The following ERMARD variants were observed in gnomAD, a reference collection of about 807,000 sequenced individuals.
ERMARD encodes endoplasmic reticulum membrane-associated RNA degradation protein.
In ERMARD, 71 loss-of-function variants were observed where a neutral mutation model predicts 83.9. The ratio of observed to expected loss-of-function variants is 0.85; its 90% confidence interval spans 0.70 to 1.03. The LOEUF is 1.03. Ranked by LOEUF, ERMARD falls within the 50% of genes least tolerant of loss-of-function variation. ERMARD has a pLI of 0.00. For synonymous variants in ERMARD, 284 were observed against 298.6 expected (o/e 0.95, Z 0.50); for missense variants, 838 against 810.9 (o/e 1.03, Z -0.41).
chr6:169,773,592 G>A (rs989971483), intron 13 of ERMARD, among the ~76,000 whole-genome samples, 190 bp downstream of exon 13: 2 of 152,152 alleles, frequency 1.3e-5, no homozygotes, highest in African/African-American at 2.4e-5. Context: ...CTCAAGTTCC[G>A]TGTCTAGCAG....
At chr6:169,754,099 T>C in intron 2 of ERMARD, 67 bp downstream of exon 2, 1 of 1,455,088 alleles carries the variant, frequency 6.9e-7, no homozygotes. Flanking sequence ...ACCTGTAAAA[T>C]TCCCCTTTCT....
At chr6:169,755,510 C>CT in intron 3 of ERMARD, 88 bp downstream of exon 3, 2 of 1,520,300 alleles carry the variant, frequency 1.3e-6, no homozygotes, top group Non-Finnish European at 1.8e-6. Context: ...AAGGGGCCTC[C>CT]TTCATCCCCA....
chr6:169,768,194 G>C, intron 11 of ERMARD, 23 bp downstream of exon 11: 1 of 1,599,974 alleles, frequency 6.3e-7, no homozygotes, highest in Non-Finnish European at 8.6e-7. Context: ...TATTTTCCAG[G>C]CTAATATTCT....
rs1791326003 is a variant in ERMARD at position 169,759,973 on chromosome 6, TG to T, written c.742+1del. 1 of 1,614,196 alleles carries T rather than the reference TG, an allele frequency of 6.2e-7. No homozygotes were observed. The highest frequency in any genetic ancestry group is 8.5e-7 in the Non-Finnish European group (1 of 1,180,022). On this transcript the variant is annotated frameshift_variant and splice_region_variant, in exon 7 of 18. Coordinates refer to ENST00000366773, the MANE Select transcript of ERMARD (RefSeq NM_018341.3). LOFTEE classifies it high-confidence loss of function. ...ACCTCGAGGATTTGATTGTTTTTCCTGGTAAGTACTATGTTTCACATTTTTC... is the reference window on the plus strand; with the variant it reads ...ACCTCGAGGATTTGATTGTTTTTCCTGTAAGTACTATGTTTCACATTTTTC... ...TNLEDLIVFP[D>X]VTYEVLSVLE...
chr6:169,775,040 A>G (rs1205855058), intron 13 of ERMARD, among the ~76,000 whole-genome samples: 1 of 152,194 alleles, frequency 6.6e-6, no homozygotes, highest in East Asian at 1.9e-4. Flanking sequence ...ACCTGTGGAC[A>G]TGGTCATAGC....
At chr6:169,752,479 G>A (rs1158374367) in intron 1 of ERMARD, among the ~76,000 whole-genome samples, 2 of 152,200 alleles carry the variant, frequency 1.3e-5, no homozygotes, top group African/African-American at 2.4e-5. Context: ...TGGAGGATGC[G>A]AGTGACAATC....
intron 9 of ERMARD, among the ~76,000 whole-genome samples, chr6:169,765,966 T>C (rs1277762534): frequency 2.2e-5 from 2 of 91,226 alleles, no homozygotes; most frequent in Non-Finnish European, 4.5e-5. Flanking sequence ...CGTCACGCTG[T>C]CTGTCAAATC....
chr6:169,759,721 C>A, intron 6 of ERMARD, 117 bp from the exon 7 acceptor site: 3 of 1,003,042 alleles, frequency 3.0e-6, no homozygotes, highest in Non-Finnish European at 4.5e-6. Flanking sequence ...CGTGATCGGA[C>A]AGTTTCATGC....
intron 9 of ERMARD, 35 bp from the exon 10 acceptor site, chr6:169,766,603 T>A (rs1328205507): frequency 6.5e-7 from 1 of 1,548,288 alleles, no homozygotes; most frequent in African/African-American, 1.4e-5. Context: ...TATTTTGCTT[T>A]AATTGTTTAT....
intron 16 of ERMARD, among the ~76,000 whole-genome samples, chr6:169,778,022 C>T (rs543799360): frequency 1.3e-5 from 2 of 152,326 alleles, no homozygotes; most frequent in East Asian, 1.9e-4. Flanking sequence ...GGACAGGACG[C>T]GTTTCCGTCG....
chr6:169,766,695 TGAAAC>T, intron 10 of ERMARD, 28 bp downstream of exon 10: 2 of 1,557,578 alleles, frequency 1.3e-6, no homozygotes, highest in Non-Finnish European at 1.7e-6. Flanking sequence ...TAAGGTAACT[TGAAAC>T]AAACAGAACG....
chr6:169,769,510 A>G (rs370414982), intron 11 of ERMARD, 30 bp from the exon 12 acceptor site: 3 of 1,582,032 alleles, frequency 1.9e-6, no homozygotes, highest in African/African-American at 1.4e-5. Flanking sequence ...GGATACTAAC[A>G]AAATATTTTC....
At chr6:169,775,118 T>G in intron 13 of ERMARD, 152 bp from the exon 14 acceptor site, 1 of 783,418 alleles carries the variant, frequency 1.3e-6, no homozygotes. Context: ...CTGAATGTAC[T>G]GAAGAACTGA....
At position 169,775,999 on chromosome 6, in the gene ERMARD, A is replaced by C. The variant is rs1384142143; in HGVS notation, c.1454A>C (p.Glu485Ala). 1 of 1,614,108 alleles carries C rather than the reference A, an allele frequency of 6.2e-7. No individual in the cohort carries two copies. The highest frequency in any genetic ancestry group is 1.3e-5 in the African/African-American group (1 of 74,946). The stretch of plus-strand genomic sequence containing the variant: ...TCTTTGATTACAAAAATGACGGATG[A>C]GCTGTATCACCATATGCCTGAGAAT... Reference protein sequence around the residue: ...CHSLITKMTDELYHHMPENRC... With the variant: ...CHSLITKMTDALYHHMPENRC... The change falls in exon 15 of 18, where the codon GAG (glutamate) becomes GCG (alanine). Residue 485 changes from glutamate to alanine, a missense_variant. Coordinates refer to ENST00000366773, the MANE Select transcript of ERMARD (RefSeq NM_018341.3).
chr6:169,765,840 C>T (rs1263509329), intron 9 of ERMARD, among the ~76,000 whole-genome samples: 9 of 152,134 alleles, frequency 5.9e-5, no homozygotes, highest in Admixed American at 4.6e-4. Flanking sequence ...AGCGTGCCAC[C>T]GTGCAGCCAA....
intron 11 of ERMARD, among the ~76,000 whole-genome samples, chr6:169,769,087 G>A (rs1792573463): frequency 6.6e-6 from 1 of 152,188 alleles, no homozygotes; most frequent in African/African-American, 2.4e-5. Flanking sequence ...GTTTGCCAAG[G>A]GCAGCAGTTT....
chr6:169,779,843 A>G (rs1794007034), intron 17 of ERMARD, among the ~76,000 whole-genome samples: 1 of 152,218 alleles, frequency 6.6e-6, no homozygotes, highest in South Asian at 2.1e-4. Context: ...ATCCCGATCT[A>G]GGAGTCTGAA....
At position 169,775,320 on chromosome 6, in the gene ERMARD, C is replaced by G. The variant is rs547356791; in HGVS notation, c.1368C>G (p.Pro456=). ...GGGTTTGGGCTCTGCTGCCTTTCCCCGAAGAACTCACTCGGCAAGCCGTCA... is the reference window on the plus strand; with the variant it reads ...GGGTTTGGGCTCTGCTGCCTTTCCCGGAAGAACTCACTCGGCAAGCCGTCA... The part of the protein sequence containing the change: ...SIRVWALLPF[P]EELTRQAVRL... Residue 456 remains proline (P), a synonymous_variant, in exon 14 of 18, where the codon CCC becomes CCG. Transcript: ENST00000366773. The G allele has an allele frequency of 1.1e-5, 17 of 1,614,050 alleles. No homozygotes were observed. The highest frequency in any genetic ancestry group is 3.3e-5 in the South Asian group (3 of 91,086).
Position 169,756,392 on chromosome 6 carries a change from C to G in ERMARD, c.370C>G (p.Leu124Val). Residue 124 changes from leucine (L) to valine (V), a missense_variant, in exon 4 of 18, where the codon CTT becomes GTT. Physicochemically the swap from Leu to Val is conservative, Grantham distance 32 (BLOSUM62 1). Coordinates refer to ENST00000366773, the MANE Select transcript of ERMARD (RefSeq NM_018341.3). ...LESLQSPAISLSLMKLTSCLE... is the reference protein window; with the variant it reads ...LESLQSPAISVSLMKLTSCLE... ...AAGTCTACAATCTCCTGCTATTTCT[C>G]TTAGCTTAATGAAACTGACATCGTG... The G allele has an allele frequency of 6.2e-7, 1 of 1,611,876 alleles. No homozygotes were observed. The highest frequency in any genetic ancestry group is 8.5e-7 in the Non-Finnish European group (1 of 1,179,330).
Sources: gnomAD v4.1 joint callset for allele counts (sites outside exome capture counted in the v4.1 genomes callset) on GRCh38, gnomAD v4.1.1 for gene constraint, MANE v1.5 for transcripts, NCBI Gene and HGNC (gene_info 2026-07-23, HGNC 2026-07-21) for gene names.